ESRRB: variants seen among roughly 807,000 people sequenced by gnomAD.
ESRRB encodes steroid hormone receptor ERR2.
In ESRRB, 16 loss-of-function variants were observed where a neutral mutation model predicts 46.0. That is an observed-to-expected ratio of 0.35 (90% confidence interval 0.24 to 0.53). ESRRB has a LOEUF of 0.53. Ranked by LOEUF, ESRRB falls within the 20% of genes least tolerant of loss-of-function variation. The pLI, the probability that ESRRB is intolerant of heterozygous loss-of-function variation, is 0.93. For synonymous variants in ESRRB, 246 were observed against 259.6 expected (o/e 0.95, Z 0.50); for missense variants, 488 against 607.4 (o/e 0.80, Z 2.07).
At position 76,467,762 on chromosome 14, in the gene ESRRB, G is replaced by C. The variant is rs1889180612; in HGVS notation, c.577+5101G>C. Among the ~76,000 whole-genome samples, 3 of 152,060 alleles carry C rather than the reference G, an allele frequency of 2.0e-5. No homozygotes were observed. In the South Asian group the frequency reaches 6.2e-4, roughly 32 times the overall value. ...CTGGCTAGGGTGTGGACTGACTCTG[G>C]AAAACCACTAGCTGCATTTCCTAAG... On this transcript the variant is annotated intron_variant, in intron 3 of 6. Coordinates refer to ENST00000644823, the MANE Select transcript of ESRRB (RefSeq NM_001379180.1).
chr14:76,375,280 G>T (rs1020664373), upstream of ESRRB, among the ~76,000 whole-genome samples: 3 of 152,152 alleles, frequency 2.0e-5, no homozygotes, highest in Non-Finnish European at 4.4e-5. Context: ...TGGTACAGTG[G>T]CATCCCATAA....
At chr14:76,468,119 G>A (rs1889200337) in intron 3 of ESRRB, among the ~76,000 whole-genome samples, 1 of 152,144 alleles carries the variant, frequency 6.6e-6, no homozygotes, top group Non-Finnish European at 1.5e-5. Context: ...CCCTGATCAG[G>A]TTCCCACTGC....
At chr14:76,407,642 C>T (rs1482797582) in intron 1 of ESRRB, 13 of 935,710 alleles carry the variant, frequency 1.4e-5, no homozygotes, top group Non-Finnish European at 1.7e-5. Context: ...GGCCGATTCA[C>T]ACTCAGTCCA....
chr14:76,353,391 T>C (rs901870598), intron 1 of ESRRB, among the ~76,000 whole-genome samples: 2 of 152,180 alleles, frequency 1.3e-5, no homozygotes, highest in African/African-American at 4.8e-5. Context: ...TCACCCTGTA[T>C]GTCTTGGGTT....
At chr14:76,426,103 G>C (rs1300643678) in intron 1 of ESRRB, among the ~76,000 whole-genome samples, 2 of 152,234 alleles carry the variant, frequency 1.3e-5, no homozygotes. Context: ...CTTGCCCAGA[G>C]GACATTTTGG....
At chr14:76,431,787 T>C (rs1361556548) in intron 1 of ESRRB, among the ~76,000 whole-genome samples, 2 of 152,122 alleles carry the variant, frequency 1.3e-5, no homozygotes, top group African/African-American at 4.8e-5. Flanking sequence ...TAGTTATCGA[T>C]CCAGTGGGGA....
At chr14:76,448,615 C>A (rs767340305) in intron 2 of ESRRB, among the ~76,000 whole-genome samples, 1 of 151,924 alleles carries the variant, frequency 6.6e-6, no homozygotes, top group African/African-American at 2.4e-5. Flanking sequence ...GGATTACAGA[C>A]GTGAGCCACC....
At chr14:76,472,791 C>T (rs1889423630) in intron 3 of ESRRB, among the ~76,000 whole-genome samples, 1 of 152,202 alleles carries the variant, frequency 6.6e-6, no homozygotes, top group Non-Finnish European at 1.5e-5. Flanking sequence ...GGAGATGGGT[C>T]AGCTATAGTT....
intron 3 of ESRRB, 146 bp downstream of exon 3, chr14:76,462,807 C>A: frequency 1.3e-6 from 1 of 743,184 alleles, no homozygotes; most frequent in Non-Finnish European, 2.5e-6. Context: ...ACCCTGCCAG[C>A]CTGCCACGGC....
Position 76,400,907 on chromosome 14 carries a change from T to C in ESRRB, c.50+24456T>C, listed in dbSNP as rs1300943427. On this transcript the variant is annotated intron_variant, in intron 1 of 6. Coordinates refer to ENST00000644823, the MANE Select transcript of ESRRB (RefSeq NM_001379180.1). ...TTCTAAGGTCCAGAGATATAAGATTTCTTCGCTGGTTTAAGCAGCACCGAG... is the reference window on the plus strand; with the variant it reads ...TTCTAAGGTCCAGAGATATAAGATTCCTTCGCTGGTTTAAGCAGCACCGAG... Among the ~76,000 whole-genome samples, 84 of 152,204 alleles carry C rather than the reference T, an allele frequency of 5.5e-4. 4 individuals carry two copies. Among genetic ancestry groups the C allele is most frequent in the Admixed American group, 5.5e-3 (84 of 15,278 alleles).
rs763549223 is a variant in ESRRB, at chr14:76,462,623, G to A, written c.539G>A (p.Arg180His). 4 of 1,613,990 alleles carry A rather than the reference G, an allele frequency of 2.5e-6. No homozygotes were observed. Among genetic ancestry groups the A allele is most frequent in the Non-Finnish European group, 3.4e-6 (4 of 1,179,930 alleles). Residue 180 changes from arginine (R) to histidine (H), a missense_variant, in exon 3 of 7, where the codon CGC becomes CAC. Physicochemically the swap from Arg to His is conservative, Grantham distance 29. Transcript: ENST00000644823. Reference protein sequence around the residue: ...KRRRKSCQACRFMKCLKVGML... With the variant: ...KRRRKSCQACHFMKCLKVGML... Reference sequence around the variant, plus strand: ...AGGCGCAAGTCCTGCCAGGCCTGCCGCTTCATGAAATGCCTCAAAGTGGGG... The same window carrying A: ...AGGCGCAAGTCCTGCCAGGCCTGCCACTTCATGAAATGCCTCAAAGTGGGG...
intron 3 of ESRRB, among the ~76,000 whole-genome samples, chr14:76,477,261 A>T (rs66571997): frequency 0.1 from 15,511 of 152,198 alleles, 937 homozygotes; most frequent in East Asian, 0.19. Flanking sequence ...AGAGCAAGCC[A>T]GGGTCCTGTC....
intron 1 of ESRRB, among the ~76,000 whole-genome samples, chr14:76,393,783 G>A (rs1364956673): frequency 6.6e-6 from 1 of 152,126 alleles, no homozygotes; most frequent in Non-Finnish European, 1.5e-5. Flanking sequence ...CACGGCTGCT[G>A]TCTTCTCAGT....
chr14:76,439,357 T>G lies in ESRRB; in HGVS notation c.67T>G (p.Ser23Ala). 1 of 1,613,656 alleles carries G rather than the reference T, an allele frequency of 6.2e-7. No individual in the cohort carries two copies. Among genetic ancestry groups the G allele is most frequent in the Non-Finnish European group, 8.5e-7 (1 of 1,180,042 alleles). ...GYHNQLLNRM[S>A]SDDRHLGSSC... ...TGTCCACAGGCTGCTGAACAGGATG[T>G]CCTCGGACGACAGGCACCTGGGCTC... The change falls in exon 2 of 7, where the codon TCC (serine) becomes GCC (alanine). Residue 23 changes from serine to alanine, a missense_variant. Physicochemically the swap from Ser to Ala is moderately conservative, Grantham distance 99. Coordinates refer to ENST00000644823, the MANE Select transcript of ESRRB (RefSeq NM_001379180.1).
At chr14:76,463,989 C>T (rs550635864) in intron 3 of ESRRB, among the ~76,000 whole-genome samples, 34 of 152,182 alleles carry the variant, frequency 2.2e-4, no homozygotes, top group Middle Eastern at 3.2e-3. Flanking sequence ...AGGCATGAGC[C>T]ACTATGCCCA....
chr14:76,452,154 C>T (rs1888409422), intron 2 of ESRRB, among the ~76,000 whole-genome samples: 1 of 151,912 alleles, frequency 6.6e-6, no homozygotes, highest in Non-Finnish European at 1.5e-5. Context: ...GTTGGCCAGG[C>T]TGGTCTTAAA....
chr14:76,420,142 G>A (rs74987288), intron 1 of ESRRB, among the ~76,000 whole-genome samples: 8,580 of 152,258 alleles, frequency 0.056, 246 homozygotes, highest in South Asian at 0.071. Flanking sequence ...AAACCAGCAT[G>A]AGCAAATGAG....
intron 1 of ESRRB, among the ~76,000 whole-genome samples, chr14:76,410,213 G>A (rs1388084223): frequency 6.6e-6 from 1 of 152,160 alleles, no homozygotes; most frequent in Non-Finnish European, 1.5e-5. Flanking sequence ...GACAGAGCAA[G>A]ACAGGTCTCA....
At chr14:76,364,441 C>A (rs886097006) in intron 1 of ESRRB, among the ~76,000 whole-genome samples, 3 of 152,090 alleles carry the variant, frequency 2.0e-5, no homozygotes, top group Non-Finnish European at 4.4e-5. Flanking sequence ...GTAATCCCAG[C>A]ACTTTGGGAG....
Sources: gnomAD v4.1 joint callset for allele counts (sites outside exome capture counted in the v4.1 genomes callset) on GRCh38, gnomAD v4.1.1 for gene constraint, MANE v1.5 for transcripts, NCBI Gene and HGNC (gene_info 2026-07-23, HGNC 2026-07-21) for gene names.